The following CADPS variants were observed in gnomAD, a reference collection of about 807,000 sequenced individuals.
CADPS encodes the protein calcium-dependent secretion activator 1.
In CADPS, 57 loss-of-function variants were observed where a neutral mutation model predicts 167.3. The observed-to-expected ratio is 0.34, with a 90% CI of 0.28 to 0.42. The LOEUF is 0.42. CADPS is among the 20% of genes least tolerant of loss of function. The pLI is 1.00. For synonymous variants in CADPS, 676 were observed against 635.3 expected, an observed-to-expected ratio of 1.06 and a Z score of -0.96; for missense variants, 1,414 against 1,738.1, an observed-to-expected ratio of 0.81 and a Z score of 3.32.
intron 1 of CADPS, among the ~76,000 whole-genome samples, chr3:62,795,936 A>G (rs554729075): frequency 2.9e-4 from 44 of 152,324 alleles, no homozygotes; most frequent in Admixed American, 2.6e-3. Flanking sequence ...TACAGAAATC[A>G]TGATGGTGGG....
At chr3:62,662,049 G>C (rs1462960721) in intron 4 of CADPS, among the ~76,000 whole-genome samples, 1 of 152,204 alleles carries the variant, frequency 6.6e-6, no homozygotes, top group Non-Finnish European at 1.5e-5. Context: ...ATGTTCAGTA[G>C]ACTGTTGGAG....
At chr3:62,763,714 C>G (rs188888162) in intron 2 of CADPS, among the ~76,000 whole-genome samples, 3,190 of 152,246 alleles carry the variant, frequency 0.021, 58 homozygotes, top group South Asian at 0.062. Flanking sequence ...TCTCCTGATA[C>G]AGAAACTTCA....
intron 11 of CADPS, among the ~76,000 whole-genome samples, chr3:62,537,527 AC>A (rs1301772168): frequency 6.6e-6 from 1 of 152,020 alleles, no homozygotes; most frequent in Non-Finnish European, 1.5e-5. Flanking sequence ...ATCTTTACTG[AC>A]TCTCCTGATA....
chr3:62,453,794 A>G (rs1186530558), intron 26 of CADPS, among the ~76,000 whole-genome samples: 1 of 152,222 alleles, frequency 6.6e-6, no homozygotes, highest in East Asian at 1.9e-4. Context: ...ATGGATTCCC[A>G]GGGCTCTGTC....
At chr3:62,651,472 CAGAAAG>C (rs2150211785) in intron 4 of CADPS, among the ~76,000 whole-genome samples, 1 of 152,184 alleles carries the variant, frequency 6.6e-6, no homozygotes, top group East Asian at 1.9e-4. Flanking sequence ...GTGAGGGAAA[CAGAAAG>C]AGACCCTATT....
rs572312965 is a variant in CADPS, at chr3:62,430,919, C to T, written c.3777+7185G>A. The stretch of plus-strand genomic sequence containing the variant: ...GCTCGAAAATAGATGAAAGAATCAA[C>T]TGTCTCTTCTTCCTGTAACTGCCTT... On this transcript the variant is annotated intron_variant, in intron 28 of 29. Transcript: ENST00000383710. 2.6e-5 allele frequency among the ~76,000 whole-genome samples: 4 copies of T among 152,194 alleles called. No homozygotes were observed. The South Asian group carries it at 6.2e-4, about 24-fold the overall frequency.
chr3:62,599,789 A>ATATATAT (rs2059593345), intron 6 of CADPS, among the ~76,000 whole-genome samples: 14 of 17,822 alleles, frequency 7.9e-4, no homozygotes, highest in African/African-American at 3.1e-3. Context: ...ATTATATATA[A>ATATATAT]TATATATAAT....
At chr3:62,697,266 C>G (rs972999912) in intron 3 of CADPS, among the ~76,000 whole-genome samples, 2 of 115,424 alleles carry the variant, frequency 1.7e-5, no homozygotes, top group African/African-American at 5.5e-5. Flanking sequence ...CACCCCCTCC[C>G]CATCCTTTCC....
At chr3:62,769,712 G>A (rs1324720585) in intron 1 of CADPS, among the ~76,000 whole-genome samples, 5 of 152,062 alleles carry the variant, frequency 3.3e-5, no homozygotes, top group Admixed American at 6.6e-5. Context: ...TTTATGTGGC[G>A]AAGTAGTTAT....
intron 1 of CADPS, among the ~76,000 whole-genome samples, chr3:62,841,980 G>A (rs888158009): frequency 3.3e-5 from 5 of 152,256 alleles, no homozygotes; most frequent in South Asian, 2.1e-4. Flanking sequence ...TCTTAGACAC[G>A]AATGTAGATT....
At chr3:62,560,149 G>A (rs2078898624) in intron 9 of CADPS, among the ~76,000 whole-genome samples, 1 of 152,042 alleles carries the variant, frequency 6.6e-6, no homozygotes, top group Non-Finnish European at 1.5e-5. Context: ...ATTTTGCAAT[G>A]TACTTTAGGA....
intron 3 of CADPS, among the ~76,000 whole-genome samples, chr3:62,690,940 TAGG>T (rs1563898983): frequency 1.3e-5 from 2 of 151,962 alleles, no homozygotes; most frequent in African/African-American, 4.8e-5. Flanking sequence ...CATTCCTTAG[TAGG>T]AGAATGGACA....
At chr3:62,512,985 T>C (rs2068172699) in intron 16 of CADPS, among the ~76,000 whole-genome samples, 1 of 152,040 alleles carries the variant, frequency 6.6e-6, no homozygotes, top group African/African-American at 2.4e-5. Flanking sequence ...AATAGAAAAT[T>C]AGTAAAATTA....
intron 3 of CADPS, among the ~76,000 whole-genome samples, chr3:62,750,698 C>CT (rs768539759): frequency 6.6e-6 from 1 of 152,246 alleles, no homozygotes; most frequent in East Asian, 1.9e-4. Context: ...TGTCCAGTAC[C>CT]TTTTTCCATC....
intron 3 of CADPS, among the ~76,000 whole-genome samples, chr3:62,694,176 G>T (rs555558363): frequency 6.6e-6 from 1 of 152,174 alleles, no homozygotes; most frequent in African/African-American, 2.4e-5. Context: ...GACACTCTTA[G>T]AAAATCTCTA....
intron 8 of CADPS, among the ~76,000 whole-genome samples, chr3:62,578,030 C>T (rs144638550): frequency 6.6e-6 from 1 of 152,000 alleles, no homozygotes; most frequent in East Asian, 1.9e-4. Context: ...ACATTAAATG[C>T]AAATAGGCTA....
intron 28 of CADPS, among the ~76,000 whole-genome samples, chr3:62,408,144 C>T (rs1364455004): frequency 6.6e-6 from 1 of 152,148 alleles, no homozygotes; most frequent in Non-Finnish European, 1.5e-5. Context: ...CCATTCTGCC[C>T]TGCAAACATA....
chr3:62,552,909 G>A (rs563828429), intron 10 of CADPS, among the ~76,000 whole-genome samples: 1 of 152,312 alleles, frequency 6.6e-6, no homozygotes, highest in East Asian at 1.9e-4. Flanking sequence ...GTAGGATGAT[G>A]TGTAGTTAGC....
At chr3:62,783,318 G>A (rs946255136) in intron 1 of CADPS, among the ~76,000 whole-genome samples, 12 of 150,440 alleles carry the variant, frequency 8.0e-5, no homozygotes, top group African/African-American at 2.4e-4. Context: ...AACTGCTATT[G>A]TTTCCTTCTA....
Sources: gnomAD v4.1 joint callset for allele counts (sites outside exome capture counted in the v4.1 genomes callset) on GRCh38, gnomAD v4.1.1 for gene constraint, MANE v1.5 for transcripts, NCBI Gene and HGNC (gene_info 2026-07-23, HGNC 2026-07-21) for gene names.